The following SRGAP1 variants were observed in gnomAD, a reference collection of about 807,000 sequenced individuals.
SRGAP1 encodes SLIT-ROBO Rho GTPase activating protein 1, also known as SLIT-ROBO Rho GTPase-activating protein 1.
SRGAP1 carries 43 observed loss-of-function variants against 121.9 expected under a neutral mutation model. The ratio of observed to expected loss-of-function variants is 0.35; its 90% CI spans 0.28 to 0.46. The LOEUF (loss-of-function observed/expected upper bound fraction) is 0.46, where lower values mean the gene tolerates loss of function less well. Among genes scored for constraint, SRGAP1 ranks in the 20% least tolerant of loss-of-function variants. The probability of loss-of-function intolerance (pLI) is 1.00; values close to 1 mark genes in which losing one functional copy is unlikely to be tolerated. For synonymous variants in SRGAP1, 447 were observed against 485.4 expected (o/e 0.92, Z 1.04); for missense variants, 1,102 against 1,350.9 (o/e 0.82, Z 2.89).
chr12:64,044,114 C>G (rs760995898), intron 6 of SRGAP1, among the ~76,000 whole-genome samples: 2 of 152,154 alleles, frequency 1.3e-5, no homozygotes, highest in Non-Finnish European at 2.9e-5. Context: ...TGTACATTCT[C>G]TCATAGGATA....
At chr12:64,034,578 A>G (rs2034857002) in intron 4 of SRGAP1, among the ~76,000 whole-genome samples, 6 of 152,206 alleles carry the variant, frequency 3.9e-5, no homozygotes. Flanking sequence ...ATTTAATGGC[A>G]TTCTTTTCAA....
At chr12:63,874,815 A>G (rs1207723988) in intron 1 of SRGAP1, among the ~76,000 whole-genome samples, 2 of 152,116 alleles carry the variant, frequency 1.3e-5, no homozygotes, top group South Asian at 2.1e-4. Flanking sequence ...TACTTTTATT[A>G]TATATAAAAT....
rs187425543 is a variant in SRGAP1 at position 63,986,894 on chromosome 12, A to G, written c.263+2752A>G. On this transcript the variant is annotated intron_variant, in intron 2 of 21. Transcript: ENST00000355086. ...TTCTTTAAAAGGTAAGCAGTTTGAA[A>G]TTTTCTTTAATTTGAGTAAGTTTAT... 9.7e-4 allele frequency among the ~76,000 whole-genome samples: 148 copies of G among 152,144 alleles called. 1 individual carries two copies. Among genetic ancestry groups the G allele is most frequent in the Middle Eastern group, 3.4e-3 (1 of 294 alleles).
At chr12:64,029,411 C>T (rs986159999) in intron 4 of SRGAP1, among the ~76,000 whole-genome samples, 15 of 152,134 alleles carry the variant, frequency 9.9e-5, no homozygotes, top group Admixed American at 7.9e-4. Context: ...TGAGCATGGC[C>T]GAGTAACACA....
At chr12:64,067,286 A>G (rs1449156962) in intron 8 of SRGAP1, among the ~76,000 whole-genome samples, 1 of 152,176 alleles carries the variant, frequency 6.6e-6, no homozygotes, top group African/African-American at 2.4e-5. Context: ...GTTAATTTTT[A>G]AAAATTATCT....
intron 4 of SRGAP1, chr12:64,038,556 G>A (rs957770382): frequency 7.9e-5 from 12 of 152,030 alleles, no homozygotes; most frequent in African/African-American, 2.2e-4. Flanking sequence ...TTCTTAACAC[G>A]AAGCATTAAA....
At chr12:63,950,408 G>A (rs2032248444) in intron 1 of SRGAP1, among the ~76,000 whole-genome samples, 1 of 152,114 alleles carries the variant, frequency 6.6e-6, no homozygotes. Flanking sequence ...AAGGAATTGT[G>A]CAAATACCAC....
At chr12:63,909,552 A>G (rs570282330) in intron 1 of SRGAP1, among the ~76,000 whole-genome samples, 1 of 152,354 alleles carries the variant, frequency 6.6e-6, no homozygotes, top group African/African-American at 2.4e-5. Context: ...GCCCCCAGGC[A>G]AATATAGGCA....
In SRGAP1 at chr12:64,140,062, C is replaced by T. The variant is rs1165898799; in HGVS notation, c.2881-2233C>T. On this transcript the variant is annotated intron_variant, in intron 21 of 21. Transcript: ENST00000355086. ...AGATCAGACAGTTGTAGATATGTGG[C>T]GTTATTTCTGAGGGCTCTGTTCTGT... Among the ~76,000 whole-genome samples the T allele has an allele frequency of 5.3e-5, 8 of 149,572 alleles. No individual in the cohort carries two copies. In the South Asian group the frequency reaches 8.8e-4, roughly 16 times the overall value.
intron 1 of SRGAP1, among the ~76,000 whole-genome samples, chr12:63,908,371 T>A (rs1203354022): frequency 6.6e-6 from 1 of 152,206 alleles, no homozygotes; most frequent in Admixed American, 6.5e-5. Context: ...TATTCAAATC[T>A]TCTTTAATAT....
chr12:63,951,152 CTTTTTTTTTTTTTTTTT>C (rs58637983), intron 1 of SRGAP1, among the ~76,000 whole-genome samples: 1 of 44,142 alleles, frequency 2.3e-5, no homozygotes, highest in African/African-American at 8.4e-5. Context: ...ATTTAGAACT[CTTTTTTTTTTTTTTTTT>C]TTTTTTTTTT....
chr12:63,980,613 A>G (rs1451168269), intron 1 of SRGAP1, among the ~76,000 whole-genome samples: 2 of 141,068 alleles, frequency 1.4e-5, no homozygotes, highest in Admixed American at 7.2e-5. Context: ...TTTTTTTTTG[A>G]GATGGAGTCT....
intron 1 of SRGAP1, among the ~76,000 whole-genome samples, chr12:63,972,033 A>C (rs549707279): frequency 6.6e-6 from 1 of 152,284 alleles, no homozygotes; most frequent in East Asian, 1.9e-4. Flanking sequence ...CAAAATAAGA[A>C]AGTTGCCAAT....
intron 3 of SRGAP1, among the ~76,000 whole-genome samples, chr12:64,002,057 C>T (rs1260145766): frequency 6.6e-6 from 1 of 152,196 alleles, no homozygotes; most frequent in Non-Finnish European, 1.5e-5. Context: ...CACTTCTTTT[C>T]CTTCAGTATC....
At chr12:63,989,878 G>A (rs1365182505) in intron 2 of SRGAP1, 32 bp from the exon 3 acceptor site, 1 of 1,567,460 alleles carries the variant, frequency 6.4e-7, no homozygotes, top group East Asian at 2.2e-5. Context: ...ACTTTGAAAT[G>A]GGTGGTAATT....
chr12:63,965,051 T>G (rs763029977), intron 1 of SRGAP1, among the ~76,000 whole-genome samples: 18 of 152,206 alleles, frequency 1.2e-4, no homozygotes, highest in Non-Finnish European at 1.5e-5. Flanking sequence ...CTTGGACTAA[T>G]TAGGGGACCT....
At chr12:64,082,861 T>C (rs2035872568) in intron 10 of SRGAP1, among the ~76,000 whole-genome samples, 1 of 152,184 alleles carries the variant, frequency 6.6e-6, no homozygotes, top group African/African-American at 2.4e-5. Flanking sequence ...CAGAAGAAAC[T>C]GGATAGCTTT....
intron 1 of SRGAP1, among the ~76,000 whole-genome samples, chr12:63,930,773 G>A (rs914881211): frequency 5.9e-5 from 9 of 151,994 alleles, no homozygotes; most frequent in African/African-American, 2.2e-4. Context: ...AATTCAAAAA[G>A]CGTCAAGAAT....
At chr12:63,865,782 T>G (rs2136271542) in intron 1 of SRGAP1, among the ~76,000 whole-genome samples, 1 of 152,286 alleles carries the variant, frequency 6.6e-6, no homozygotes, top group Non-Finnish European at 1.5e-5. Flanking sequence ...ATCTCATCCA[T>G]TTGCTGAGCA....
Sources: gnomAD v4.1 joint callset for allele counts (sites outside exome capture counted in the v4.1 genomes callset) on GRCh38, gnomAD v4.1.1 for gene constraint, MANE v1.5 for transcripts, NCBI Gene and HGNC (gene_info 2026-07-23, HGNC 2026-07-21) for gene names.